Variants in SNTB2 observed in about 807,000 individuals in gnomAD.
SNTB2 encodes the protein syntrophin beta 2, also known as beta-2-syntrophin.
Under a neutral mutation model 46.2 loss-of-function variants are expected in SNTB2, and 34 were observed. The observed-to-expected ratio is 0.74, with a 90% CI of 0.56 to 0.98. The LOEUF is 0.98. SNTB2 is among the 50% of genes least tolerant of loss of function. The pLI, the probability that SNTB2 is intolerant of heterozygous loss-of-function variation, is 0.00. For missense variants in SNTB2, 603 were observed against 731.4 expected (o/e 0.82, Z 2.02); for synonymous variants, 290 against 312.6 (o/e 0.93, Z 0.76).
At chr16:69,289,595 G>A (rs1440384480) in intron 5 of SNTB2, among the ~76,000 whole-genome samples, 1 of 151,920 alleles carries the variant, frequency 6.6e-6, no homozygotes, top group Non-Finnish European at 1.5e-5. Flanking sequence ...AAAATATCAG[G>A]TAACAAAATA....
chr16:69,208,998 G>GTGTGT (rs1567397581), intron 1 of SNTB2, among the ~76,000 whole-genome samples: 1 of 152,044 alleles, frequency 6.6e-6, no homozygotes, highest in African/African-American at 2.4e-5. Context: ...GTGTTTTTGA[G>GTGTGT]ATGGAGTCTC....
intron 1 of SNTB2, among the ~76,000 whole-genome samples, chr16:69,238,712 A>T (rs888541201): frequency 6.6e-6 from 1 of 152,100 alleles, no homozygotes; most frequent in African/African-American, 2.4e-5. Flanking sequence ...TCTTGACATT[A>T]TCCTTGACTC....
At chr16:69,230,747 C>CTTT (rs564432836) in intron 1 of SNTB2, among the ~76,000 whole-genome samples, 52 of 136,778 alleles carry the variant, frequency 3.8e-4, no homozygotes, top group Admixed American at 8.0e-4. Context: ...CCGTTTCTTT[C>CTTT]TTTTTTTTTT....
chr16:69,195,450 T>G (rs901936772), intron 1 of SNTB2, among the ~76,000 whole-genome samples: 1 of 151,968 alleles, frequency 6.6e-6, no homozygotes, highest in African/African-American at 2.4e-5. Context: ...TGCATTTTTT[T>G]TTTTTTTTAG....
chr16:69,292,409 A>T (rs1272147632), intron 5 of SNTB2, among the ~76,000 whole-genome samples: 2 of 18,930 alleles, frequency 1.1e-4, no homozygotes, highest in South Asian at 2.1e-3. Context: ...TATATATATT[A>T]TATATATATT....
chr16:69,295,172 A>G (rs1965210753), intron 5 of SNTB2, among the ~76,000 whole-genome samples: 2 of 136,344 alleles, frequency 1.5e-5, no homozygotes, highest in Admixed American at 1.6e-4. Flanking sequence ...TTGTGCTGCT[A>G]TTGTGTGTCT....
chr16:69,202,050 C>G (rs1160701587), intron 1 of SNTB2, among the ~76,000 whole-genome samples: 1 of 152,034 alleles, frequency 6.6e-6, no homozygotes, highest in Non-Finnish European at 1.5e-5. Context: ...TCAGCCATTA[C>G]CTGAGTGTCT....
intron 2 of SNTB2, among the ~76,000 whole-genome samples, chr16:69,259,386 C>T (rs1964812537): frequency 1.3e-5 from 2 of 151,286 alleles, no homozygotes; most frequent in East Asian, 3.9e-4. Flanking sequence ...GCACACGCCC[C>T]AACGCCCGGC....
chr16:69,187,550 C>T lies in SNTB2; in HGVS notation c.384C>T (p.Ile128=), dbSNP rs1176384525. 3.9e-5 allele frequency: 56 copies of T among 1,453,836 alleles called. No homozygotes were observed. The highest frequency in any genetic ancestry group is 5.0e-5 in the Non-Finnish European group (55 of 1,097,320). 90.1% of individuals were successfully genotyped at this position (1,453,836 alleles called of 1,614,324 possible). The change falls in exon 1 of 7, where the codon ATC becomes ATT. Residue 128 remains isoleucine, a synonymous_variant. Coordinates refer to ENST00000336278, the MANE Select transcript of SNTB2 (RefSeq NM_006750.4). ...AGCAAGAGGCGGGCGGCCTGGGCAT[C>T]AGCATCAAGGGCGGCCGCGAGAACC... ...VVKQEAGGLG[I]SIKGGRENRM...
intron 4 of SNTB2, among the ~76,000 whole-genome samples, chr16:69,280,507 C>T (rs1965030251): frequency 6.6e-6 from 1 of 150,616 alleles, no homozygotes; most frequent in Non-Finnish European, 1.5e-5. Context: ...CCCCCACCTC[C>T]CTCCCGGATG....
rs140268901 is a variant in SNTB2, at chr16:69,205,054, A to T, written c.580+17308A>T. On this transcript the variant is annotated intron_variant, in intron 1 of 6. Transcript: ENST00000336278. ...CCTTAGCAAACAAGAGTCCTCATAC[A>T]CATGACCCAATTTACTTCCCTAGAC... is the stretch of plus-strand genomic sequence containing the variant. 2.6e-5 allele frequency among the ~76,000 whole-genome samples: 4 copies of T among 152,294 alleles called. No homozygotes were observed. The East Asian group carries it at 7.7e-4, about 29-fold the overall frequency.
intron 1 of SNTB2, among the ~76,000 whole-genome samples, chr16:69,243,497 G>A (rs1418574716): frequency 1.3e-5 from 2 of 152,208 alleles, no homozygotes; most frequent in Non-Finnish European, 2.9e-5. Context: ...TGATGCTACT[G>A]TGTGATTGAA....
Position 69,187,380 on chromosome 16 carries a change from G to A in SNTB2, c.214G>A (p.Gly72Ser). Reference protein sequence around the residue: ...ALGPAAAAFNGLPNGGGAGDS... With the variant: ...ALGPAAAAFNSLPNGGGAGDS... Reference sequence around the variant, plus strand: ...GGGACCCGCGGCCGCCGCCTTCAACGGCCTCCCAAACGGCGGCGGCGCGGG... The same window carrying A: ...GGGACCCGCGGCCGCCGCCTTCAACAGCCTCCCAAACGGCGGCGGCGCGGG... Residue 72 changes from glycine to serine, a missense_variant, in exon 1 of 7, where the codon GGC becomes AGC. Transcript: ENST00000336278. The A allele has an allele frequency of 7.4e-7, 1 of 1,347,182 alleles. No homozygotes were observed. Among genetic ancestry groups the A allele is most frequent in the South Asian group, 1.8e-5 (1 of 55,278 alleles). 83.5% of individuals were successfully genotyped at this position (1,347,182 alleles called of 1,614,324 possible). A position where few individuals can be genotyped will look rare whatever the true frequency, so the allele number is the denominator to read the frequency against.
At chr16:69,245,540 A>T in intron 1 of SNTB2, 62 bp from the exon 2 acceptor site, 1 of 1,461,614 alleles carries the variant, frequency 6.8e-7, no homozygotes, top group Non-Finnish European at 9.6e-7. Flanking sequence ...TGAATACTTT[A>T]GTTATCATTT....
chr16:69,245,534 T>A (rs1597185325), intron 1 of SNTB2, 68 bp from the exon 2 acceptor site: 2 of 1,426,726 alleles, frequency 1.4e-6, no homozygotes, highest in Non-Finnish European at 2.0e-6. Flanking sequence ...TGTATGTGAA[T>A]ACTTTAGTTA....
chr16:69,298,173 A>G (rs1339141802), intron 5 of SNTB2, among the ~76,000 whole-genome samples: 1 of 152,094 alleles, frequency 6.6e-6, no homozygotes, highest in Middle Eastern at 3.2e-3. Flanking sequence ...CCTGGCCTCA[A>G]GTGATCCTCC....
chr16:69,260,383 T>G, intron 3 of SNTB2, 123 bp downstream of exon 3: 1 of 885,066 alleles, frequency 1.1e-6, no homozygotes, highest in Non-Finnish European at 1.7e-6. Context: ...TTGCAGATCT[T>G]TTGTTTTTCA....
chr16:69,250,339 T>A (rs1964714120), intron 2 of SNTB2, among the ~76,000 whole-genome samples: 1 of 152,170 alleles, frequency 6.6e-6, no homozygotes, highest in African/African-American at 2.4e-5. Context: ...ACCTCAGTTA[T>A]GAGAGAAGAT....
intron 1 of SNTB2, among the ~76,000 whole-genome samples, chr16:69,220,589 A>G (rs1017351434): frequency 1.3e-5 from 2 of 151,458 alleles, no homozygotes; most frequent in African/African-American, 4.9e-5. Context: ...GTGCGGTGGC[A>G]CAATCATAGG....
Sources: allele counts gnomAD v4.1 joint callset (sites outside exome capture counted in the v4.1 genomes callset), GRCh38; gene constraint gnomAD v4.1.1; transcripts MANE v1.5; gene names NCBI Gene and HGNC (gene_info 2026-07-23, HGNC 2026-07-21).